The following PRDM2 variants were observed in gnomAD, a reference collection of about 807,000 sequenced individuals.
The protein encoded by PRDM2 is PR/SET domain 2, also known as PR domain zinc finger protein 2.
A neutral mutation model predicts 130.0 loss-of-function variants in PRDM2; 30 were observed. That is an observed-to-expected ratio of 0.23 (90% CI 0.17 to 0.31). The LOEUF is 0.31. Ranked by LOEUF, PRDM2 falls within the 10% of genes least tolerant of loss-of-function variation. The probability of loss-of-function intolerance (pLI) is 1.00; values close to 1 mark genes in which losing one functional copy is unlikely to be tolerated. For synonymous variants in PRDM2, 871 were observed against 782.4 expected, an observed-to-expected ratio of 1.11 and a Z score of -1.89; for missense variants, 2,011 against 2,108.4, an observed-to-expected ratio of 0.95 and a Z score of 0.90.
chr1:13,723,183 A>G (rs1417218421), intron 2 of PRDM2, among the ~76,000 whole-genome samples: 1 of 152,088 alleles, frequency 6.6e-6, no homozygotes, highest in Non-Finnish European at 1.5e-5. Flanking sequence ...TCATCTCTCA[A>G]GTCCAAGTCC....
intron 7 of PRDM2, among the ~76,000 whole-genome samples, 167 bp from the exon 8 acceptor site, chr1:13,778,251 T>A (rs1161076739): frequency 6.6e-6 from 1 of 152,242 alleles, no homozygotes; most frequent in African/African-American, 2.4e-5. Flanking sequence ...TCATATCCAA[T>A]ACAACTTTGT....
intron 4 of PRDM2, chr1:13,738,669 T>C (rs1451698064): frequency 6.6e-6 from 1 of 152,244 alleles, no homozygotes; most frequent in African/African-American, 2.4e-5. Context: ...AAATAAAATG[T>C]GCTATCACCT....
At chr1:13,813,726 G>A (rs961612948) in intron 8 of PRDM2, among the ~76,000 whole-genome samples, 1 of 152,180 alleles carries the variant, frequency 6.6e-6, no homozygotes, top group Admixed American at 6.5e-5. Context: ...GTAGCAGAGG[G>A]GCCTCTGCCT....
At chr1:13,784,047 A>G (rs1644683518) in intron 8 of PRDM2, among the ~76,000 whole-genome samples, 1 of 152,200 alleles carries the variant, frequency 6.6e-6, no homozygotes, top group South Asian at 2.1e-4. Context: ...ATCATTAGCT[A>G]AGGCTGATTT....
intron 9 of PRDM2, among the ~76,000 whole-genome samples, chr1:13,820,922 C>T (rs1212468708): frequency 6.6e-6 from 1 of 152,206 alleles, no homozygotes; most frequent in African/African-American, 2.4e-5. Flanking sequence ...CTTCCCCCTG[C>T]CCTGGCTCAT....
intron 8 of PRDM2, among the ~76,000 whole-genome samples, chr1:13,812,392 T>C (rs951280172): frequency 6.6e-6 from 1 of 152,106 alleles, no homozygotes; most frequent in Non-Finnish European, 1.5e-5. Context: ...CTGCTTCAAA[T>C]GTGTGTGGTT....
chr1:13,777,935 G>A (rs1156455020), intron 7 of PRDM2, among the ~76,000 whole-genome samples: 1 of 152,038 alleles, frequency 6.6e-6, no homozygotes, highest in Non-Finnish European at 1.5e-5. Context: ...GAGGGAGAGA[G>A]GATCATTTAC....
chr1:13,778,947 C>A lies in PRDM2; in HGVS notation c.1152C>A (p.Ser384=). The stretch of plus-strand genomic sequence containing the variant: ...AGCGTCACATGCATATCCATATATC[C>A]ACCGTCAATCATGCTTTCAAATGCA... ...GLERHMHIHI[S]TVNHAFKCKY... Residue 384 remains serine (S), a synonymous_variant, in exon 8 of 10, where the codon TCC becomes TCA. Transcript: ENST00000311066. 1 of 1,614,190 alleles carries A rather than the reference C, an allele frequency of 6.2e-7. No individual in the cohort carries two copies. Among genetic ancestry groups the A allele is most frequent in the Non-Finnish European group, 8.5e-7 (1 of 1,180,044 alleles).
intron 8 of PRDM2, chr1:13,786,988 C>T (rs1444630448): frequency 1.0e-5 from 10 of 986,788 alleles, no homozygotes; most frequent in African/African-American, 1.7e-5. Context: ...CTCTTGATGC[C>T]TTTCTTTTAA....
At chr1:13,718,161 A>T (rs80234406) in intron 2 of PRDM2, among the ~76,000 whole-genome samples, 14,945 of 152,200 alleles carry the variant, frequency 0.098, 937 homozygotes, top group Admixed American at 0.22. Context: ...ATTCAGATAT[A>T]AAAAAGTTTG....
At chr1:13,711,100 AG>A (rs2100399611) in intron 1 of PRDM2, among the ~76,000 whole-genome samples, 1 of 139,878 alleles carries the variant, frequency 7.1e-6, no homozygotes, top group Admixed American at 7.1e-5. Flanking sequence ...AAAAAAAAAA[AG>A]AGCATTTGGT....
rs1183702993 is a variant in PRDM2 at position 13,806,903 on chromosome 1, A to C, written c.5037-9524A>C. On this transcript the variant is annotated intron_variant, in intron 8 of 9. Transcript: ENST00000311066. The surrounding 1 kb of genome is among the most constrained non-coding windows in gnomAD (Gnocchi z 4.1). ...CAGGGCCTTTGCACTTCCTGTCCCCACTTCCTGGAACGCACAAGGCGTAGT... is the reference window on the plus strand; with the variant it reads ...CAGGGCCTTTGCACTTCCTGTCCCCCCTTCCTGGAACGCACAAGGCGTAGT... Among the ~76,000 whole-genome samples the C allele has an allele frequency of 1.3e-5, 2 of 151,784 alleles. No homozygotes were observed. Among genetic ancestry groups the C allele is most frequent in the African/African-American group, 4.8e-5 (2 of 41,278 alleles).
intron 6 of PRDM2, among the ~76,000 whole-genome samples, chr1:13,755,607 A>G (rs1040902865): frequency 6.6e-6 from 1 of 152,152 alleles, no homozygotes; most frequent in Admixed American, 6.5e-5. Flanking sequence ...TTCCTTAAAT[A>G]TGAACACTAG....
intron 8 of PRDM2, among the ~76,000 whole-genome samples, chr1:13,783,889 GC>G (rs766380331): frequency 4.6e-5 from 7 of 152,096 alleles, no homozygotes; most frequent in Non-Finnish European, 8.8e-5. Flanking sequence ...GGTGTTTTAA[GC>G]AAGCAGAATT....
intron 1 of PRDM2, among the ~76,000 whole-genome samples, chr1:13,712,925 C>A (rs1173571453): frequency 3.9e-5 from 6 of 152,216 alleles, no homozygotes; most frequent in African/African-American, 7.2e-5. Context: ...ATGCGCCCCT[C>A]ACCGACTCTG....
At chr1:13,743,999 TTGAA>T (rs1369215137) in intron 5 of PRDM2, among the ~76,000 whole-genome samples, 1 of 152,210 alleles carries the variant, frequency 6.6e-6, no homozygotes, top group Non-Finnish European at 1.5e-5. Flanking sequence ...ATACATATGG[TTGAA>T]TCAGTGAGGT....
rs574868565 is a variant in PRDM2 at position 13,793,252 on chromosome 1, G to A, written c.5036+10421G>A. ...CTGTGCCCCCCACCTGCCACATGCC[G>A]TGCGCGTTACAGAAGGCAGCATGTG... On this transcript the variant is annotated intron_variant, in intron 8 of 9. Coordinates refer to ENST00000311066, the MANE Select transcript of PRDM2 (RefSeq NM_001393986.1). Among the ~76,000 whole-genome samples, 10 of 152,372 alleles carry A rather than the reference G, an allele frequency of 6.6e-5. No homozygotes were observed. The East Asian group carries it at 7.7e-4, about 12-fold the overall frequency.
At position 13,779,390 on chromosome 1, in the gene PRDM2, A is replaced by G. The variant is rs748908769; in HGVS notation, c.1595A>G (p.Gln532Arg). Residue 532 changes from glutamine (Q) to arginine (R), a missense_variant, in exon 8 of 10, where the codon CAG (glutamine) becomes CGG (arginine). Gln to Arg is a conservative substitution (Grantham distance 43). Around this residue, in one of 5 missense-constraint regions of PRDM2, gnomAD observed 1,288 missense variants for 1,237.7 expected, o/e 1.04. Coordinates refer to ENST00000311066, the MANE Select transcript of PRDM2 (RefSeq NM_001393986.1). This position sits in a 1 kb window ranked among gnomAD's most constrained non-coding sequence, Gnocchi z 4.9. Reference protein sequence around the residue: ...EEPQPPAEQAQATQNVYVPST... With the variant: ...EEPQPPAEQARATQNVYVPST... ...CCCCAGCCTCCAGCAGAACAGGCCC[A>G]GGCCACCCAGAACGTGTATGTACCA... is the stretch of plus-strand genomic sequence containing the variant. 6.2e-7 allele frequency: 1 copy of G among 1,614,232 alleles called. No homozygotes were observed. The highest frequency in any genetic ancestry group is 8.5e-7 in the Non-Finnish European group (1 of 1,180,034).
At chr1:13,701,320 G>A (rs963427604) in intron 1 of PRDM2, among the ~76,000 whole-genome samples, 8 of 152,164 alleles carry the variant, frequency 5.3e-5, no homozygotes, top group African/African-American at 1.7e-4. Context: ...AAATGTTTAA[G>A]TTTTTGTTTA....
Sources: gnomAD v4.1 joint callset for allele counts (sites outside exome capture counted in the v4.1 genomes callset) on GRCh38, gnomAD v4.1.1 for gene constraint, gnomAD v4.1.1 regional missense constraint, Gnocchi (gnomAD v3.1) non-coding constraint, MANE v1.5 for transcripts, NCBI Gene and HGNC (gene_info 2026-07-23, HGNC 2026-07-21) for gene names.